DMXL2: variants seen among roughly 807,000 people sequenced by gnomAD.
DMXL2 encodes Dmx like 2, also known as dmX-like protein 2.
Under a neutral mutation model 331.1 loss-of-function variants are expected in DMXL2, and 103 were observed. The observed-to-expected ratio is 0.31, with a 90% CI of 0.27 to 0.37. DMXL2 has a LOEUF of 0.37. Among genes scored for constraint, DMXL2 ranks in the 10% least tolerant of loss-of-function variants. The probability of loss-of-function intolerance (pLI) is 1.00; values close to 1 mark genes in which losing one functional copy is unlikely to be tolerated. For synonymous variants in DMXL2, 1,281 were observed against 1,252.1 expected (o/e 1.02, Z -0.49); for missense variants, 3,171 against 3,642.9 (o/e 0.87, Z 3.33).
chr15:51,555,900 T>A (rs1596244392), intron 6 of DMXL2, among the ~76,000 whole-genome samples: 2 of 152,146 alleles, frequency 1.3e-5, no homozygotes, highest in South Asian at 4.1e-4. Context: ...TAAAACTATA[T>A]CAATCTTACA....
intron 1 of DMXL2, among the ~76,000 whole-genome samples, chr15:51,591,868 A>G (rs898077213): frequency 6.6e-6 from 1 of 152,206 alleles, no homozygotes; most frequent in African/African-American, 2.4e-5. Flanking sequence ...GACTCTTAGA[A>G]GGAAAACTAG....
chr15:51,557,521 T>G (rs1307567233), intron 6 of DMXL2, among the ~76,000 whole-genome samples: 1 of 152,150 alleles, frequency 6.6e-6, no homozygotes. Context: ...TTGTAAAAAT[T>G]ATCATTTATT....
chr15:51,592,997 T>A (rs28866855), intron 1 of DMXL2, among the ~76,000 whole-genome samples: 1 of 151,936 alleles, frequency 6.6e-6, no homozygotes, highest in African/African-American at 2.4e-5. Context: ...TAAGAAGACA[T>A]TGCATCAACT....
At chr15:51,559,042 C>T (rs529355850) in intron 6 of DMXL2, among the ~76,000 whole-genome samples, 15 of 152,162 alleles carry the variant, frequency 9.9e-5, no homozygotes, top group African/African-American at 3.1e-4. Context: ...CACAAAAAAA[C>T]TTAAAGCAAC....
At chr15:51,504,273 T>C (rs376669244) in intron 16 of DMXL2, among the ~76,000 whole-genome samples, 67 of 152,336 alleles carry the variant, frequency 4.4e-4, no homozygotes, top group South Asian at 1.2e-3. Context: ...CCTGAGGCCA[T>C]GTAATTAGCT....
Position 51,471,052 on chromosome 15 carries a change from C to G in DMXL2, c.7392+171G>C, listed in dbSNP as rs11070851. Among the ~76,000 whole-genome samples, 71,918 of 151,962 alleles carry G rather than the reference C, an allele frequency of 0.47. 17,484 individuals are homozygous for G. The highest frequency in any genetic ancestry group is 0.5 in the Non-Finnish European group (33,922 of 67,914). On this transcript the variant is annotated intron_variant, in intron 29 of 43. Transcript: ENST00000560891. Reference sequence around the variant, plus strand: ...TCTCCTACATCATCAGGTAACTGATCATCCTCGAATTTACTATGACTATTC... The same window carrying G: ...TCTCCTACATCATCAGGTAACTGATGATCCTCGAATTTACTATGACTATTC...
chr15:51,456,076 T>C lies in DMXL2; in HGVS notation c.8516A>G (p.Gln2839Arg). 6.2e-7 allele frequency: 1 copy of C among 1,614,170 alleles called. No homozygotes were observed. Among genetic ancestry groups the C allele is most frequent in the Non-Finnish European group, 8.5e-7 (1 of 1,180,012 alleles). Residue 2839 changes from glutamine (Q) to arginine (R), a missense_variant, in exon 39 of 44, where the codon CAA (glutamine) becomes CGA (arginine). This residue lies in a region of DMXL2 where 766 missense variants were observed against 940.5 expected (regional missense o/e 0.81). Coordinates refer to ENST00000560891, the MANE Select transcript of DMXL2 (RefSeq NM_001378457.1). Reference protein sequence around the residue: ...ARVTRLYFNSQGNKCGVADGE... With the variant: ...ARVTRLYFNSRGNKCGVADGE... ...CCCCCAGAAACTAACCTTGTTGCCT[T>C]GTGAATTAAAATATAATCTAGTAAC...
chr15:51,461,686 G>T (rs2040138569), intron 33 of DMXL2, among the ~76,000 whole-genome samples: 1 of 152,070 alleles, frequency 6.6e-6, no homozygotes, highest in African/African-American at 2.4e-5. Flanking sequence ...AAGTAGCTGG[G>T]ATTACAAGCA....
intron 6 of DMXL2, among the ~76,000 whole-genome samples, chr15:51,558,149 G>A (rs369796432): frequency 1.9e-4 from 29 of 152,302 alleles, no homozygotes; most frequent in African/African-American, 6.7e-4. Flanking sequence ...TTCAAATGAT[G>A]TGTGTAAAGA....
At chr15:51,460,286 A>G (rs1004417139) in intron 33 of DMXL2, 7 of 985,398 alleles carry the variant, frequency 7.1e-6, no homozygotes, top group Non-Finnish European at 8.4e-6. Context: ...ACTCTTCCTC[A>G]TACCTTTTCA....
Position 51,500,092 on chromosome 15 carries a change from T to G in DMXL2, c.3132A>C (p.Glu1044Asp), listed in dbSNP as rs776453678. Reference sequence around the variant, plus strand: ...AAGGCCATCTCTTCCAATGATAAATTTCTTTCTCATCACTTTTATTACACT... The same window carrying G: ...AAGGCCATCTCTTCCAATGATAAATGTCTTTCTCATCACTTTTATTACACT... ...NPECNKSDEK[E>D]IYHWKRWPLM... The change falls in exon 18 of 44, where the codon GAA becomes GAC. Residue 1044 changes from glutamate (E) to aspartate (D), a missense_variant. Transcript: ENST00000560891. 6.2e-7 allele frequency: 1 copy of G among 1,614,176 alleles called. No homozygotes were observed. Among genetic ancestry groups the G allele is most frequent in the South Asian group, 1.1e-5 (1 of 91,082 alleles).
chr15:51,618,676 T>C (rs28472732), intron 1 of DMXL2, among the ~76,000 whole-genome samples: 2 of 152,322 alleles, frequency 1.3e-5, no homozygotes, highest in East Asian at 1.9e-4. Flanking sequence ...AGAAGTCCTG[T>C]GATTAAAAAG....
intron 1 of DMXL2, among the ~76,000 whole-genome samples, chr15:51,576,860 G>A (rs1200073380): frequency 6.6e-6 from 1 of 151,802 alleles, no homozygotes; most frequent in South Asian, 2.1e-4. Flanking sequence ...GAAAATGAAT[G>A]AATTTATATA....
intron 8 of DMXL2, among the ~76,000 whole-genome samples, chr15:51,544,221 T>C (rs573071324): frequency 2.6e-5 from 4 of 152,292 alleles, no homozygotes; most frequent in African/African-American, 9.6e-5. Context: ...GGGAGCTGTT[T>C]GGGTCATGAG....
intron 6 of DMXL2, among the ~76,000 whole-genome samples, chr15:51,551,058 C>A (rs1209946045): frequency 6.6e-6 from 1 of 151,534 alleles, no homozygotes; most frequent in Non-Finnish European, 1.5e-5. Flanking sequence ...CAGTGACCAT[C>A]TGTTTTATCA....
intron 17 of DMXL2, among the ~76,000 whole-genome samples, chr15:51,501,539 C>G (rs538716551): frequency 2.6e-5 from 4 of 152,230 alleles, no homozygotes; most frequent in African/African-American, 7.2e-5. Flanking sequence ...TAAAAAAAGC[C>G]TCAGTGGTTT....
At chr15:51,577,191 A>G (rs1474823334) in intron 1 of DMXL2, among the ~76,000 whole-genome samples, 1 of 152,182 alleles carries the variant, frequency 6.6e-6, no homozygotes, top group East Asian at 1.9e-4. Flanking sequence ...ATTTTTCCGC[A>G]CTGTTTCCAC....
intron 13 of DMXL2, among the ~76,000 whole-genome samples, chr15:51,534,735 G>GT (rs2048190695): frequency 6.6e-6 from 1 of 152,124 alleles, no homozygotes; most frequent in Admixed American, 6.6e-5. Flanking sequence ...GTACTTTCCT[G>GT]TATCTATACT....
intron 15 of DMXL2, among the ~76,000 whole-genome samples, chr15:51,513,904 C>T (rs1319697779): frequency 6.6e-6 from 1 of 152,064 alleles, no homozygotes; most frequent in African/African-American, 2.4e-5. Context: ...TTAAACTAAA[C>T]GTCATATTGT....
Sources: gnomAD v4.1 joint callset for allele counts (sites outside exome capture counted in the v4.1 genomes callset) on GRCh38, gnomAD v4.1.1 for gene constraint, gnomAD v4.1.1 regional missense constraint, MANE v1.5 for transcripts, NCBI Gene and HGNC (gene_info 2026-07-23, HGNC 2026-07-21) for gene names.